LUZP2: variants seen among roughly 807,000 people sequenced by gnomAD.
LUZP2 encodes the protein leucine zipper protein 2.
A neutral mutation model predicts 51.6 loss-of-function variants in LUZP2; 52 were observed. That is an observed-to-expected ratio of 1.01 (90% CI 0.81 to 1.27). The LOEUF (loss-of-function observed/expected upper bound fraction) is 1.27. Ranked by LOEUF, LUZP2 falls within the 50% of genes most tolerant of loss-of-function variation. The pLI, the probability that LUZP2 is intolerant of heterozygous loss-of-function variation, is 0.00. For missense variants in LUZP2, 436 were observed against 395.4 expected (o/e 1.10, Z -0.87); for synonymous variants, 154 against 137.3 (o/e 1.12, Z -0.85).
At chr11:24,707,188 T>C (rs888568805) in intron 1 of LUZP2, among the ~76,000 whole-genome samples, 2 of 152,060 alleles carry the variant, frequency 1.3e-5, no homozygotes, top group Non-Finnish European at 2.9e-5. Context: ...GCCTCTAAGA[T>C]GTTAATTATG....
chr11:25,015,111 A>G (rs1857109993), intron 9 of LUZP2, among the ~76,000 whole-genome samples: 1 of 152,186 alleles, frequency 6.6e-6, no homozygotes, highest in South Asian at 2.1e-4. Flanking sequence ...ATAATTTTAG[A>G]AAATGTTATT....
intron 7 of LUZP2, among the ~76,000 whole-genome samples, chr11:24,960,230 G>C (rs1855350429): frequency 6.6e-6 from 1 of 152,128 alleles, no homozygotes; most frequent in South Asian, 2.1e-4. Flanking sequence ...TTGTGTCTTT[G>C]ACCAGCTTTG....
At chr11:24,977,365 C>T (rs889233178) in intron 8 of LUZP2, among the ~76,000 whole-genome samples, 1 of 151,458 alleles carries the variant, frequency 6.6e-6, no homozygotes, top group African/African-American at 2.4e-5. Context: ...ACACAAAACA[C>T]ATTTTTAAAA....
At chr11:24,990,870 AC>A (rs1300730337) in intron 9 of LUZP2, among the ~76,000 whole-genome samples, 2 of 151,472 alleles carry the variant, frequency 1.3e-5, no homozygotes, top group African/African-American at 4.8e-5. Context: ...GTGAACTTCT[AC>A]CCCCCTTTCA....
intron 5 of LUZP2, among the ~76,000 whole-genome samples, chr11:24,815,967 A>G (rs1050626833): frequency 6.7e-6 from 1 of 150,122 alleles, no homozygotes; most frequent in Non-Finnish European, 1.5e-5. Flanking sequence ...TTTGGTTTGT[A>G]TTAGTGCATC....
At chr11:24,963,090 C>T (rs1590780930) in intron 7 of LUZP2, among the ~76,000 whole-genome samples, 6 of 152,188 alleles carry the variant, frequency 3.9e-5, no homozygotes, top group Non-Finnish European at 8.8e-5. Context: ...TTTCGTGAAC[C>T]GCGAATGCTG....
At chr11:25,005,647 C>T (rs976720166) in intron 9 of LUZP2, among the ~76,000 whole-genome samples, 6 of 152,178 alleles carry the variant, frequency 3.9e-5, no homozygotes, top group East Asian at 1.9e-4. Context: ...CCCAAGAACC[C>T]GCAATGGTCC....
intron 1 of LUZP2, among the ~76,000 whole-genome samples, chr11:24,536,552 G>A (rs563115130): frequency 3.9e-4 from 60 of 151,956 alleles, no homozygotes; most frequent in African/African-American, 1.3e-3. Context: ...TTCCTCTGAA[G>A]CTTCAGCACC....
intron 4 of LUZP2, chr11:24,762,896 T>C (rs1860033024): frequency 1.5e-6 from 1 of 661,042 alleles, no homozygotes; most frequent in Admixed American, 6.3e-5. Context: ...AAATAGAGAT[T>C]CCTAGGTTCA....
chr11:24,894,459 G>A (rs955135138), intron 5 of LUZP2, among the ~76,000 whole-genome samples: 2 of 152,130 alleles, frequency 1.3e-5, no homozygotes, highest in Non-Finnish European at 2.9e-5. Context: ...ACAGGCATGA[G>A]CCACCGTGCC....
At chr11:24,711,214 C>T (rs1365109694) in intron 1 of LUZP2, among the ~76,000 whole-genome samples, 3 of 152,030 alleles carry the variant, frequency 2.0e-5, no homozygotes, top group Non-Finnish European at 4.4e-5. Context: ...CTTTGGGAGG[C>T]CAAGGCGGGC....
chr11:24,850,759 AT>A (rs1851367315), intron 5 of LUZP2, among the ~76,000 whole-genome samples: 1 of 152,156 alleles, frequency 6.6e-6, no homozygotes, highest in Non-Finnish European at 1.5e-5. Context: ...TGAGCATGGA[AT>A]ATTTTTCCAT....
chr11:24,962,963 T>C (rs1189351100), intron 7 of LUZP2, among the ~76,000 whole-genome samples: 1 of 152,210 alleles, frequency 6.6e-6, no homozygotes, highest in Non-Finnish European at 1.5e-5. Context: ...TTTCTGTTTG[T>C]TAGTTTTCCT....
chr11:24,790,662 C>G (rs147612153), intron 5 of LUZP2, among the ~76,000 whole-genome samples: 1 of 151,994 alleles, frequency 6.6e-6, no homozygotes, highest in African/African-American at 2.4e-5. Flanking sequence ...TCACCACGCC[C>G]AGCTAATTTT....
intron 9 of LUZP2, among the ~76,000 whole-genome samples, chr11:25,034,564 A>G (rs1030256329): frequency 1.3e-5 from 2 of 152,052 alleles, no homozygotes; most frequent in Non-Finnish European, 2.9e-5. Flanking sequence ...ACATTTAAAT[A>G]TTTGATCCAT....
intron 1 of LUZP2, among the ~76,000 whole-genome samples, chr11:24,567,758 A>T (rs1263709693): frequency 2.0e-5 from 3 of 152,162 alleles, no homozygotes; most frequent in Admixed American, 2.0e-4. Flanking sequence ...CAAAATGAAG[A>T]TAAAATAAAT....
rs35619580 is a variant in LUZP2, at chr11:24,847,252, A to AAT, written c.397-58728_397-58727dup. Reference sequence around the variant, plus strand: ...TTTACAGTTCACTATTTATTCCAATAATATATATATATTTTTTTCCTTTCT... The same window carrying AAT: ...TTTACAGTTCACTATTTATTCCAATAATATATATATATATTTTTTTCCTTTCT... On this transcript the variant is annotated intron_variant, in intron 5 of 11. Transcript: ENST00000336930. Among the ~76,000 whole-genome samples, 3 of 151,580 alleles carry AAT rather than the reference A, an allele frequency of 2.0e-5. No homozygotes were observed. The East Asian group carries it at 5.8e-4, about 29-fold the overall frequency.
At chr11:24,773,763 A>T in intron 5 of LUZP2, among the ~76,000 whole-genome samples, 1 of 152,140 alleles carries the variant, frequency 6.6e-6, no homozygotes, top group Non-Finnish European at 1.5e-5. Context: ...TATTATAATC[A>T]GCAAAAGGCT....
At position 25,078,839 on chromosome 11, in the gene LUZP2, C is replaced by T. The variant is rs11028409; in HGVS notation, c.*181C>T. The T allele has an allele frequency of 0.035, 18,769 of 538,794 alleles. 714 individuals carry two copies. Among genetic ancestry groups the T allele is most frequent in the African/African-American group, 0.14 (6,881 of 50,944 alleles). The allele number at this position is 538,794 out of a possible 1,614,324, so 33.4% of individuals were successfully genotyped here. Reference sequence around the variant, plus strand: ...ACCAATTATGATCCTTAAGCAATAACCTCATTGAATTGAATACCCACAGTC... The same window carrying T: ...ACCAATTATGATCCTTAAGCAATAATCTCATTGAATTGAATACCCACAGTC... On this transcript the variant is annotated 3_prime_UTR_variant, in exon 12 of 12. Coordinates refer to ENST00000336930, the MANE Select transcript of LUZP2 (RefSeq NM_001009909.4).
Sources: allele counts gnomAD v4.1 joint callset (sites outside exome capture counted in the v4.1 genomes callset), GRCh38; gene constraint gnomAD v4.1.1; transcripts MANE v1.5; gene names NCBI Gene and HGNC (gene_info 2026-07-23, HGNC 2026-07-21).